Variants in COL23A1 observed in about 807,000 individuals in gnomAD.
COL23A1 encodes collagen type XXIII alpha 1 chain.
COL23A1 carries 97 observed loss-of-function variants against 99.3 expected under a neutral mutation model. The ratio of observed to expected loss-of-function variants is 0.98; its 90% confidence interval spans 0.83 to 1.16. The LOEUF is 1.16. COL23A1 is among the 50% of genes most tolerant of loss of function. The pLI, the probability that COL23A1 is intolerant of heterozygous loss-of-function variation, is 0.00. For missense variants in COL23A1, 762 were observed against 757.4 expected, an observed-to-expected ratio of 1.01 and a Z score of -0.07; for synonymous variants, 320 against 308.2, an observed-to-expected ratio of 1.04 and a Z score of -0.40.
At chr5:178,312,017 T>C (rs2913769) in intron 2 of COL23A1, among the ~76,000 whole-genome samples, 117,762 of 151,988 alleles carry the variant, frequency 0.77, 46,181 homozygotes, top group Non-Finnish European at 0.83. Context: ...AGGTGTGGGC[T>C]ACCGCGCCCG....
chr5:178,586,459 C>T (rs1288298603), intron 1 of COL23A1, among the ~76,000 whole-genome samples: 1 of 152,134 alleles, frequency 6.6e-6, no homozygotes, highest in African/African-American at 2.4e-5. Flanking sequence ...ACAGATTCCC[C>T]AACCTCAGGG....
At chr5:178,498,208 ATATATAT>A (rs1758300316) in intron 2 of COL23A1, among the ~76,000 whole-genome samples, 1 of 8,720 alleles carries the variant, frequency 1.1e-4, no homozygotes, top group Non-Finnish European at 1.9e-4. Flanking sequence ...TTATTTAAAT[ATATATAT>A]ATATATATAT....
intron 2 of COL23A1, among the ~76,000 whole-genome samples, chr5:178,323,968 C>T (rs1260849715): frequency 6.6e-6 from 1 of 152,180 alleles, no homozygotes; most frequent in Non-Finnish European, 1.5e-5. Flanking sequence ...GTGTTCAATT[C>T]CAAAGCACTT....
At chr5:178,491,100 G>C (rs926255358) in intron 2 of COL23A1, among the ~76,000 whole-genome samples, 7 of 151,612 alleles carry the variant, frequency 4.6e-5, no homozygotes, top group Admixed American at 1.3e-4. Context: ...GAGAGAGGAG[G>C]GGGGAAAGAG....
At chr5:178,350,171 T>C (rs535026566) in intron 2 of COL23A1, among the ~76,000 whole-genome samples, 1 of 152,324 alleles carries the variant, frequency 6.6e-6, no homozygotes, top group East Asian at 1.9e-4. Flanking sequence ...TACTCAGTCC[T>C]CGGGCCGAGC....
chr5:178,493,949 A>ATCC (rs1383219547), intron 2 of COL23A1, among the ~76,000 whole-genome samples: 1 of 152,178 alleles, frequency 6.6e-6, no homozygotes, highest in Non-Finnish European at 1.5e-5. Flanking sequence ...CCCAGAACAG[A>ATCC]CTTTTATTAG....
At chr5:178,512,691 A>T (rs1304066707) in intron 2 of COL23A1, among the ~76,000 whole-genome samples, 1 of 152,208 alleles carries the variant, frequency 6.6e-6, no homozygotes, top group Non-Finnish European at 1.5e-5. Flanking sequence ...GGTGCAGAAG[A>T]GAATGACTTC....
intron 2 of COL23A1, among the ~76,000 whole-genome samples, chr5:178,546,294 G>A (rs1397865040): frequency 2.0e-5 from 3 of 152,100 alleles, no homozygotes; most frequent in Non-Finnish European, 2.9e-5. Flanking sequence ...CCTAAATTCC[G>A]GAACCACCCT....
intron 2 of COL23A1, among the ~76,000 whole-genome samples, chr5:178,527,975 A>G (rs1446275459): frequency 1.3e-5 from 2 of 152,220 alleles, no homozygotes; most frequent in Non-Finnish European, 2.9e-5. Context: ...ACACCTGGAC[A>G]CTTTTCTTAA....
At chr5:178,355,616 G>A (rs1029275819) in intron 2 of COL23A1, among the ~76,000 whole-genome samples, 13 of 151,954 alleles carry the variant, frequency 8.6e-5, no homozygotes, top group Admixed American at 2.0e-4. Flanking sequence ...CACTGCAACC[G>A]CCGCCTCCTG....
intron 2 of COL23A1, among the ~76,000 whole-genome samples, chr5:178,399,632 A>C (rs545322299): frequency 3.3e-5 from 5 of 152,276 alleles, no homozygotes; most frequent in Admixed American, 6.5e-5. Context: ...CCAGTTTTAA[A>C]ACAATCCTAC....
At chr5:178,316,640 G>A (rs72820915) in intron 2 of COL23A1, among the ~76,000 whole-genome samples, 13,382 of 152,108 alleles carry the variant, frequency 0.088, 649 homozygotes, top group Middle Eastern at 0.15. Context: ...CTAGGAAGAG[G>A]GATCTTGTTT....
At chr5:178,507,060 T>C (rs1199483181) in intron 2 of COL23A1, among the ~76,000 whole-genome samples, 2 of 152,238 alleles carry the variant, frequency 1.3e-5, no homozygotes, top group Non-Finnish European at 2.9e-5. Context: ...ACATTTCTGT[T>C]TGTAGCCTTG....
intron 2 of COL23A1, among the ~76,000 whole-genome samples, chr5:178,547,523 ACT>A (rs1211798629): frequency 1.2e-4 from 9 of 72,804 alleles, no homozygotes; most frequent in Admixed American, 3.3e-4. Flanking sequence ...ACACCCACAC[ACT>A]CACACCCACA....
At chr5:178,577,595 C>A (rs1196124915) in intron 1 of COL23A1, among the ~76,000 whole-genome samples, 1 of 152,172 alleles carries the variant, frequency 6.6e-6, no homozygotes, top group Non-Finnish European at 1.5e-5. Context: ...CCAGGGCCCT[C>A]CCAGAACCCG....
intron 6 of COL23A1, 100 bp from the exon 7 acceptor site, chr5:178,268,856 T>A: frequency 7.9e-7 from 1 of 1,272,654 alleles, no homozygotes; most frequent in Non-Finnish European, 1.1e-6. Context: ...GGGCCCGTGA[T>A]GCTGGGCGGC....
intron 1 of COL23A1, among the ~76,000 whole-genome samples, chr5:178,567,635 T>G (rs1762900188): frequency 6.6e-6 from 1 of 152,080 alleles, no homozygotes; most frequent in Non-Finnish European, 1.5e-5. Context: ...CCCAGCTACT[T>G]GAGAAGCTGA....
At chr5:178,266,445 G>A (rs1432611371) in intron 8 of COL23A1, among the ~76,000 whole-genome samples, 1 of 152,030 alleles carries the variant, frequency 6.6e-6, no homozygotes, top group African/African-American at 2.4e-5. Context: ...CCATAGGGAG[G>A]GTATCCACGA....
intron 2 of COL23A1, among the ~76,000 whole-genome samples, chr5:178,321,958 G>T (rs1759344094): frequency 6.6e-6 from 1 of 151,740 alleles, no homozygotes; most frequent in African/African-American, 2.4e-5. Context: ...GGGATTACAG[G>T]TGTGCACCAC....
Sources: gnomAD v4.1 joint callset for allele counts (sites outside exome capture counted in the v4.1 genomes callset) on GRCh38, gnomAD v4.1.1 for gene constraint, MANE v1.5 for transcripts, NCBI Gene and HGNC (gene_info 2026-07-23, HGNC 2026-07-21) for gene names.